ASPRV1: variants seen among roughly 807,000 people sequenced by gnomAD.
ASPRV1 encodes the protein aspartic peptidase retroviral like 1, also known as retroviral-like aspartic protease 1.
A neutral mutation model predicts 11.0 loss-of-function variants in ASPRV1; 7 were observed. The observed-to-expected ratio is 0.64, with a 90% confidence interval of 0.36 to 1.20. ASPRV1 has a LOEUF of 1.20. Ranked by LOEUF, ASPRV1 falls within the 50% of genes most tolerant of loss-of-function variation. The pLI is 0.02. For synonymous variants in ASPRV1, 136 were observed against 138.4 expected (o/e 0.98, Z 0.12); for missense variants, 299 against 320.0 (o/e 0.93, Z 0.50).
At chr2:69,936,416 G>A in the ASPRV1 span, among the ~76,000 whole-genome samples, 1 of 152,116 alleles carries the variant, frequency 6.6e-6, no homozygotes, top group Non-Finnish European at 1.5e-5. Context: ...CACTCTCTTT[G>A]CTACCTGAAT....
At chr2:69,964,075 A>G (rs1015921609), upstream of ASPRV1, among the ~76,000 whole-genome samples, 1 of 152,208 alleles carries the variant, frequency 6.6e-6, no homozygotes, top group Admixed American at 6.5e-5. Flanking sequence ...CTGGAATGCC[A>G]GTTCCATCAC....
At chr2:70,008,571 C>A in the ASPRV1 span, among the ~76,000 whole-genome samples, 1 of 152,066 alleles carries the variant, frequency 6.6e-6, no homozygotes, top group Non-Finnish European at 1.5e-5. Flanking sequence ...CAGCCCAGGA[C>A]AGCTTTGAAT....
the ASPRV1 span, among the ~76,000 whole-genome samples, chr2:70,029,269 A>G: frequency 2.0e-5 from 3 of 152,220 alleles, no homozygotes; most frequent in Non-Finnish European, 2.9e-5. Context: ...CTAAAGACAT[A>G]TAAGTGACGC....
At chr2:70,017,680 T>C in the ASPRV1 span, among the ~76,000 whole-genome samples, 1 of 152,122 alleles carries the variant, frequency 6.6e-6, no homozygotes, top group African/African-American at 2.4e-5. Flanking sequence ...ACATATTCAG[T>C]AAAGTTGCAG....
chr2:70,041,893 C>T, the ASPRV1 span, among the ~76,000 whole-genome samples: 1 of 152,166 alleles, frequency 6.6e-6, no homozygotes, highest in Non-Finnish European at 1.5e-5. Flanking sequence ...AGTTCCACTG[C>T]GGATTAGAGC....
At chr2:69,989,250 A>G in the ASPRV1 span, among the ~76,000 whole-genome samples, 6 of 152,208 alleles carry the variant, frequency 3.9e-5, no homozygotes, top group African/African-American at 7.2e-5. Flanking sequence ...GGGTATGGAA[A>G]CGGCACCTGA....
At chr2:70,024,453 G>A in the ASPRV1 span, among the ~76,000 whole-genome samples, 5 of 152,110 alleles carry the variant, frequency 3.3e-5, no homozygotes, top group South Asian at 4.1e-4. Flanking sequence ...GAACAGAGAG[G>A]GGCCGGTACT....
the ASPRV1 span, chr2:70,046,632 C>T: frequency 2.0e-5 from 3 of 152,172 alleles, no homozygotes; most frequent in African/African-American, 7.2e-5. Flanking sequence ...AGGGCACTAG[C>T]TCAGGCTGGG....
At chr2:69,974,119 C>G in the ASPRV1 span, among the ~76,000 whole-genome samples, 1 of 152,164 alleles carries the variant, frequency 6.6e-6, no homozygotes, top group Non-Finnish European at 1.5e-5. Context: ...GGGCAGATCA[C>G]CTGACGTCAG....
chr2:69,987,841 C>T, the ASPRV1 span, among the ~76,000 whole-genome samples: 4 of 152,310 alleles, frequency 2.6e-5, no homozygotes, highest in Middle Eastern at 3.4e-3. Context: ...GGGTAGGACA[C>T]TTACTGACTG....
the ASPRV1 span, among the ~76,000 whole-genome samples, chr2:69,952,067 C>G: frequency 6.6e-6 from 1 of 152,210 alleles, no homozygotes; most frequent in African/African-American, 2.4e-5. Context: ...CCAAACTGTT[C>G]CAGCTAACTA....
the ASPRV1 span, chr2:69,997,847 G>A: frequency 4.6e-5 from 7 of 152,196 alleles, no homozygotes; most frequent in African/African-American, 1.4e-4. Context: ...CCACGGTTAC[G>A]GCCGCCTCTT....
chr2:70,022,176 G>T, the ASPRV1 span, among the ~76,000 whole-genome samples: 1 of 151,114 alleles, frequency 6.6e-6, no homozygotes, highest in Non-Finnish European at 1.5e-5. Flanking sequence ...CACCATGCCC[G>T]GCTAATTTTT....
the ASPRV1 span, among the ~76,000 whole-genome samples, chr2:69,996,369 G>A: frequency 6.6e-6 from 1 of 151,922 alleles, no homozygotes; most frequent in East Asian, 1.9e-4. Flanking sequence ...TCCAGCGTGG[G>A]TGACAGAGTA....
At chr2:70,061,776 C>G in the ASPRV1 span, among the ~76,000 whole-genome samples, 3 of 151,876 alleles carry the variant, frequency 2.0e-5, no homozygotes, top group East Asian at 5.8e-4. Context: ...TAGCGAAACC[C>G]TGTCTCTACT....
In ASPRV1 at chr2:69,960,676, C is replaced by T. The variant is rs142116255; in HGVS notation, c.761G>A (p.Arg254Gln). The T allele has an allele frequency of 2.5e-4, 406 of 1,612,566 alleles. 1 individual carries two copies. In the African/African-American group the frequency reaches 4.6e-3, roughly 18 times the overall value. Reference sequence around the variant, plus strand: ...GGCTTCTCAGTGGGATAGCTCCTGCCGCCCTTCTTCTGAGGAGGGGTCCTC... The same window carrying T: ...GGCTTCTCAGTGGGATAGCTCCTGCTGCCCTTCTTCTGAGGAGGGGTCCTC... ...IEEDPSSEEG[R>Q]QELSH The change falls in exon 1 of 1, where the codon CGG becomes CAG. Residue 254 changes from arginine to glutamine, a missense_variant. By Grantham distance (43) the Arg-to-Gln change is conservative. Coordinates refer to ENST00000320256, the MANE Select transcript of ASPRV1 (RefSeq NM_152792.4).
At chr2:69,959,225 G>A (rs1401076002), downstream of ASPRV1, among the ~76,000 whole-genome samples, 1 of 152,124 alleles carries the variant, frequency 6.6e-6, no homozygotes, top group African/African-American at 2.4e-5. Context: ...TCCATCAAGA[G>A]GTCTGGGATC....
the ASPRV1 span, among the ~76,000 whole-genome samples, chr2:70,085,209 C>T: frequency 2.3e-3 from 352 of 152,254 alleles, 1 homozygote; most frequent in Middle Eastern, 0.01. Flanking sequence ...GCAAGTCAGT[C>T]ATACAAAAAA....
the ASPRV1 span, among the ~76,000 whole-genome samples, chr2:70,082,160 T>C: frequency 6.6e-6 from 1 of 151,956 alleles, no homozygotes; most frequent in African/African-American, 2.4e-5. Context: ...TGTGTGTGTA[T>C]TTTTAGTAGA....
Sources: gnomAD v4.1 joint callset for allele counts (sites outside exome capture counted in the v4.1 genomes callset) on GRCh38, gnomAD v4.1.1 for gene constraint, MANE v1.5 for transcripts, NCBI Gene and HGNC (gene_info 2026-07-23, HGNC 2026-07-21) for gene names.